SLC8A1: variants seen among roughly 807,000 people sequenced by gnomAD.
SLC8A1 encodes sodium/calcium exchanger 1.
SLC8A1 carries 18 observed loss-of-function variants against 68.3 expected under a neutral mutation model. The observed-to-expected ratio is 0.26, with a 90% CI of 0.18 to 0.39. The LOEUF (loss-of-function observed/expected upper bound fraction) is 0.39, where lower values mean the gene tolerates loss of function less well. Ranked by LOEUF, SLC8A1 falls within the 10% of genes least tolerant of loss-of-function variation. The pLI, the probability that SLC8A1 is intolerant of heterozygous loss-of-function variation, is 1.00. For synonymous variants in SLC8A1, 475 were observed against 415.5 expected, an observed-to-expected ratio of 1.14 and a Z score of -1.74; for missense variants, 985 against 1,156.7, an observed-to-expected ratio of 0.85 and a Z score of 2.15.
At chr2:40,235,883 G>A (rs1272995216) in intron 2 of SLC8A1, among the ~76,000 whole-genome samples, 3 of 151,656 alleles carry the variant, frequency 2.0e-5, no homozygotes, top group African/African-American at 7.3e-5. Context: ...GGAGCAGGTT[G>A]TTCAGTTTCC....
intron 1 of SLC8A1, among the ~76,000 whole-genome samples, chr2:40,433,157 C>T (rs1201684896): frequency 6.6e-6 from 1 of 152,104 alleles, no homozygotes; most frequent in Admixed American, 6.6e-5. Flanking sequence ...GCAGATCTGA[C>T]ACTCTTCACG....
At position 40,139,462 on chromosome 2, in the gene SLC8A1, G is replaced by T. The variant is rs372427616; in HGVS notation, c.2376C>A (p.Thr792=). ...CAGTCACAGAATCTTTCAGGCCAAT[G>T]GTGCAGCCAAAGTGGGAAGCCAGGT... The change falls in exon 7 of 8, where the codon ACC becomes ACA. Residue 792 remains threonine, a synonymous_variant. Coordinates refer to ENST00000406785, the Ensembl canonical transcript of SLC8A1. 6 of 1,614,014 alleles carry T rather than the reference G, an allele frequency of 3.7e-6. No homozygotes were observed. In the African/African-American group the frequency reaches 6.7e-5, roughly 18 times the overall value.
intron 4 of SLC8A1, among the ~76,000 whole-genome samples, chr2:40,168,967 A>C (rs2047006036): frequency 6.6e-6 from 1 of 152,244 alleles, no homozygotes; most frequent in African/African-American, 2.4e-5. Flanking sequence ...GACATAAAAC[A>C]GTCCTGGAAT....
intron 2 of SLC8A1, among the ~76,000 whole-genome samples, chr2:40,297,691 T>C (rs1402166684): frequency 6.6e-6 from 1 of 152,184 alleles, no homozygotes; most frequent in Admixed American, 6.6e-5. Context: ...CTGTTTACCA[T>C]ACATAACTTA....
intron 7 of SLC8A1, among the ~76,000 whole-genome samples, chr2:40,121,685 G>C (rs1431809963): frequency 6.6e-6 from 1 of 152,142 alleles, no homozygotes; most frequent in Non-Finnish European, 1.5e-5. Flanking sequence ...ATAGGGCCTG[G>C]CACTTAATGG....
rs1697495260 is a variant in SLC8A1, at chr2:40,428,595, T to C, written c.1686A>G (p.Arg562=). Reference sequence around the variant, plus strand: ...TAACATTTCCTCGAGCTCCAGATGTTCTCAATACTTTCACCTCCATGATGC... The same window carrying C: ...TAACATTTCCTCGAGCTCCAGATGTCCTCAATACTTTCACCTCCATGATGC... Residue 562 remains arginine (R), a synonymous_variant, in exon 2 of 8, where the codon AGA becomes AGG. Coordinates refer to ENST00000406785, the Ensembl canonical transcript of SLC8A1. The C allele has an allele frequency of 2.5e-6, 4 of 1,613,936 alleles. No homozygotes were observed. The South Asian group carries it at 4.4e-5, about 18-fold the overall frequency.
chr2:40,372,286 C>T lies in SLC8A1; in HGVS notation c.1808+56187G>A, dbSNP rs535936128. 2.6e-5 allele frequency among the ~76,000 whole-genome samples: 4 copies of T among 152,218 alleles called. No homozygotes were observed. The South Asian group carries it at 8.3e-4, about 32-fold the overall frequency. ...AGAAGAGGGGGAGAAAAAATAAACA[C>T]CCAGTTGCTGTGTCTCTTAAATTGG... On this transcript the variant is annotated intron_variant, in intron 2 of 7. Coordinates refer to ENST00000406785, the Ensembl canonical transcript of SLC8A1.
At chr2:40,241,176 G>A (rs1218106455) in intron 2 of SLC8A1, among the ~76,000 whole-genome samples, 1 of 152,078 alleles carries the variant, frequency 6.6e-6, no homozygotes, top group African/African-American at 2.4e-5. Flanking sequence ...CCATAAAAAA[G>A]AACAAAATCA....
Position 40,232,274 on chromosome 2 carries a change from C to G in SLC8A1, c.1809-54419G>C, listed in dbSNP as rs113757461. On this transcript the variant is annotated intron_variant, in intron 2 of 7. Coordinates refer to ENST00000406785, the Ensembl canonical transcript of SLC8A1. ...TACACTGTAGAGATGTAACAGAAGG[C>G]AGAAGAAATCAGGGGCATACAGGTA... Among the ~76,000 whole-genome samples the G allele has an allele frequency of 2.0e-5, 3 of 152,106 alleles. No homozygotes were observed. The East Asian group carries it at 5.8e-4, about 29-fold the overall frequency.
chr2:40,408,726 G>C (rs56743188), intron 2 of SLC8A1, among the ~76,000 whole-genome samples: 1 of 152,150 alleles, frequency 6.6e-6, no homozygotes, highest in Non-Finnish European at 1.5e-5. Flanking sequence ...CCTGTATTTC[G>C]AAGGGGCACC....
At chr2:40,251,583 T>C (rs1355792260) in intron 2 of SLC8A1, 1 of 152,208 alleles carries the variant, frequency 6.6e-6, no homozygotes, top group African/African-American at 2.4e-5. Flanking sequence ...ATTATTTTAT[T>C]AATAATACTT....
At chr2:40,144,288 A>G (rs977866675) in intron 6 of SLC8A1, among the ~76,000 whole-genome samples, 2 of 152,170 alleles carry the variant, frequency 1.3e-5, no homozygotes, top group East Asian at 3.9e-4. Flanking sequence ...TCTTTCACAT[A>G]CCTGATCTTA....
intron 2 of SLC8A1, among the ~76,000 whole-genome samples, chr2:40,316,359 T>C (rs1220062195): frequency 1.3e-5 from 2 of 152,164 alleles, no homozygotes; most frequent in East Asian, 1.9e-4. Flanking sequence ...CAGTATGTTC[T>C]CTCTACTGGA....
chr2:40,317,938 A>T (rs1333209090), intron 2 of SLC8A1, among the ~76,000 whole-genome samples: 5 of 152,108 alleles, frequency 3.3e-5, no homozygotes, highest in Non-Finnish European at 7.4e-5. Flanking sequence ...GTGGATATTC[A>T]GCATGCACTA....
chr2:40,427,470 T>C (rs773736797), intron 2 of SLC8A1, among the ~76,000 whole-genome samples: 1 of 152,118 alleles, frequency 6.6e-6, no homozygotes, highest in Non-Finnish European at 1.5e-5. Flanking sequence ...TCGTTTGTTG[T>C]ACTGAAGATA....
chr2:40,366,562 T>C (rs574425979), intron 2 of SLC8A1, among the ~76,000 whole-genome samples: 7 of 152,182 alleles, frequency 4.6e-5, no homozygotes, highest in Non-Finnish European at 7.4e-5. Flanking sequence ...GGCTGTTCTG[T>C]AGATGCAATT....
At chr2:40,302,031 C>CTGTGTGTGTGTGTGTG (rs374407377) in intron 2 of SLC8A1, among the ~76,000 whole-genome samples, 1,985 of 132,262 alleles carry the variant, frequency 0.015, 30 homozygotes, top group East Asian at 0.041. Flanking sequence ...CCGGGCTAAT[C>CTGTGTGTGTGTGTGTG]TGTGTGTGTG....
At chr2:40,424,752 T>G (rs1696418042) in intron 2 of SLC8A1, among the ~76,000 whole-genome samples, 1 of 151,844 alleles carries the variant, frequency 6.6e-6, no homozygotes, top group Admixed American at 6.6e-5. Flanking sequence ...ACTCTGTACT[T>G]TAAATATATA....
At chr2:40,371,186 G>A (rs1677918341) in intron 2 of SLC8A1, among the ~76,000 whole-genome samples, 1 of 152,088 alleles carries the variant, frequency 6.6e-6, no homozygotes. Flanking sequence ...TTCATTTCAG[G>A]TGTTCACAGG....
Sources: gnomAD v4.1 joint callset for allele counts (sites outside exome capture counted in the v4.1 genomes callset) on GRCh38, gnomAD v4.1.1 for gene constraint, MANE v1.5 for transcripts, NCBI Gene and HGNC (gene_info 2026-07-23, HGNC 2026-07-21) for gene names.